Variants in ANKRD42 observed in about 807,000 individuals in gnomAD.
ANKRD42 encodes ankyrin repeat domain-containing protein 42.
ANKRD42 carries 43 observed loss-of-function variants against 51.5 expected under a neutral mutation model. The ratio of observed to expected loss-of-function variants is 0.83; its 90% CI spans 0.65 to 1.08. The LOEUF is 1.08. ANKRD42 is among the 50% of genes least tolerant of loss of function. The probability of loss-of-function intolerance (pLI) is 0.00; values close to 1 mark genes in which losing one functional copy is unlikely to be tolerated. For synonymous variants in ANKRD42, 203 were observed against 213.0 expected (o/e 0.95, Z 0.41); for missense variants, 608 against 629.3 (o/e 0.97, Z 0.36).
rs1391338938 is a variant in ANKRD42, at chr11:83,194,256, C to T, written c.-415C>T. ...GCCTCAGTGGTCCTTGGGAGGGAGT[C>T]AGTGACATTCGGGACCCGCGAACTA... On this transcript the variant is annotated 5_prime_UTR_variant, in exon 1 of 11. Transcript: ENST00000533342. 2 of 467,596 alleles carry T rather than the reference C, an allele frequency of 4.3e-6. No individual in the cohort carries two copies. The highest frequency in any genetic ancestry group is 4.7e-5 in the Admixed American group (2 of 42,842). 29.0% of individuals were successfully genotyped at this position (467,596 alleles called of 1,614,324 possible). A position where few individuals can be genotyped will look rare whatever the true frequency, so the allele number is the denominator to read the frequency against.
intron 5 of ANKRD42, among the ~76,000 whole-genome samples, chr11:83,218,369 C>T (rs1479892368): frequency 6.6e-6 from 1 of 152,148 alleles, no homozygotes; most frequent in East Asian, 1.9e-4. Flanking sequence ...CGATCATTTA[C>T]CTGGCTGAGA....
intron 9 of ANKRD42, among the ~76,000 whole-genome samples, chr11:83,242,188 G>C (rs562874492): frequency 2.6e-5 from 4 of 152,036 alleles, no homozygotes; most frequent in East Asian, 3.9e-4. Context: ...TATATATCCT[G>C]GTTCTTGAAA....
At chr11:83,213,035 A>G in intron 5 of ANKRD42, 11 of 1,599,978 alleles carry the variant, frequency 6.9e-6, no homozygotes, top group Non-Finnish European at 9.3e-6. Flanking sequence ...TGTGAAGCCC[A>G]GGATCATCAA....
chr11:83,249,974 T>C (rs1038318265), downstream of ANKRD42, among the ~76,000 whole-genome samples: 1 of 152,224 alleles, frequency 6.6e-6, no homozygotes, highest in Non-Finnish European at 1.5e-5. Context: ...CATTGTATTA[T>C]TTACTCCCTT....
rs569010201 is a variant in ANKRD42 at position 83,232,404 on chromosome 11, G to T, written c.914-4000G>T. ...TTCCTTTTTGGATTGTTCACTGTTG[G>T]CATATAGAAATGCTACTGATTTTTG... On this transcript the variant is annotated intron_variant, in intron 7 of 10. Transcript: ENST00000533342. Among the ~76,000 whole-genome samples, 50 of 152,134 alleles carry T rather than the reference G, an allele frequency of 3.3e-4. No individual in the cohort carries two copies. The East Asian group carries it at 3.7e-3, about 11-fold the overall frequency.
intron 5 of ANKRD42, among the ~76,000 whole-genome samples, chr11:83,217,503 A>G (rs1479164641): frequency 6.6e-6 from 1 of 152,236 alleles, no homozygotes; most frequent in Non-Finnish European, 1.5e-5. Context: ...GAGGACAGTC[A>G]TCCGAGGCAG....
intron 7 of ANKRD42, among the ~76,000 whole-genome samples, chr11:83,233,094 T>C (rs1207911362): frequency 6.6e-6 from 1 of 152,172 alleles, no homozygotes; most frequent in Non-Finnish European, 1.5e-5. Flanking sequence ...ACTGGCCTTG[T>C]AGAATGGATT....
chr11:83,236,977 C>T (rs1050665385), intron 8 of ANKRD42, among the ~76,000 whole-genome samples: 6 of 152,242 alleles, frequency 3.9e-5, no homozygotes, highest in South Asian at 4.1e-4. Flanking sequence ...AATTTACATC[C>T]GAATTAAATA....
chr11:83,262,232 G>A (rs886871602), downstream of ANKRD42, among the ~76,000 whole-genome samples: 1 of 152,034 alleles, frequency 6.6e-6, no homozygotes, highest in African/African-American at 2.4e-5. Flanking sequence ...AATCATTAAC[G>A]CTAGCATTAT....
chr11:83,194,207 C>T lies in ANKRD42; in HGVS notation c.-464C>T, dbSNP rs1035248217. ...CACCAAACTACCGACTCCAGGGGAA[C>T]AGCCAGAGAAGACCGAGGCCTCCGC... On this transcript the variant is annotated 5_prime_UTR_variant, in exon 1 of 11. Coordinates refer to ENST00000533342, the MANE Select transcript of ANKRD42 (RefSeq NM_001300975.2). 2.2e-6 allele frequency: 1 copy of T among 459,712 alleles called. No homozygotes were observed. The highest frequency in any genetic ancestry group is 4.4e-6 in the Non-Finnish European group (1 of 229,094). 28.5% of individuals were successfully genotyped at this position (459,712 alleles called of 1,614,324 possible). A position where few individuals can be genotyped will look rare whatever the true frequency, so the allele number is the denominator to read the frequency against.
At chr11:83,240,687 A>G in intron 8 of ANKRD42, 72 bp from the exon 9 acceptor site, 3 of 1,551,956 alleles carry the variant, frequency 1.9e-6, no homozygotes, top group Non-Finnish European at 2.6e-6. Context: ...TAATCCCCTA[A>G]GTTAAGTGCA....
chr11:83,241,215 A>G (rs1863376839), intron 9 of ANKRD42, among the ~76,000 whole-genome samples: 1 of 152,164 alleles, frequency 6.6e-6, no homozygotes, highest in Middle Eastern at 3.2e-3. Flanking sequence ...GGAAAGAGAC[A>G]TCTCAAGGAT....
chr11:83,238,662 G>A (rs1201722194), intron 8 of ANKRD42, among the ~76,000 whole-genome samples: 1 of 151,910 alleles, frequency 6.6e-6, no homozygotes, highest in African/African-American at 2.4e-5. Context: ...GAAACCCTGT[G>A]TCTACTAAAA....
downstream of ANKRD42, among the ~76,000 whole-genome samples, chr11:83,263,892 G>A (rs1864081198): frequency 6.6e-6 from 1 of 152,146 alleles, no homozygotes; most frequent in African/African-American, 2.4e-5. Context: ...TGATGGCTGG[G>A]GGCTCCATCT....
intron 9 of ANKRD42, among the ~76,000 whole-genome samples, chr11:83,243,192 T>C (rs1385224977): frequency 6.6e-6 from 1 of 152,174 alleles, no homozygotes; most frequent in African/African-American, 2.4e-5. Flanking sequence ...TGGCATTTCA[T>C]TGTGGTTTTG....
intron 7 of ANKRD42, among the ~76,000 whole-genome samples, chr11:83,232,417 C>A (rs1180806870): frequency 6.6e-6 from 1 of 152,054 alleles, no homozygotes; most frequent in Admixed American, 6.6e-5. Context: ...TATAGAAATG[C>A]TACTGATTTT....
At chr11:83,212,994 T>C (rs770885752) in intron 5 of ANKRD42, 5 of 1,598,926 alleles carry the variant, frequency 3.1e-6, no homozygotes, top group Non-Finnish European at 4.2e-6. Context: ...AGCCATCTCC[T>C]CCTCAGCATC....
At chr11:83,249,051 C>G (rs1863627537), downstream of ANKRD42, 1 of 910,304 alleles carries the variant, frequency 1.1e-6, no homozygotes. Flanking sequence ...GAGAGGCCAG[C>G]TGTACAGTCA....
At chr11:83,199,281 C>T (rs17144787) in intron 2 of ANKRD42, among the ~76,000 whole-genome samples, 3,213 of 152,166 alleles carry the variant, frequency 0.021, 122 homozygotes, top group African/African-American at 0.07. Flanking sequence ...AACTATTACC[C>T]TGATTTTGGT....
Sources: gnomAD v4.1 joint callset for allele counts (sites outside exome capture counted in the v4.1 genomes callset) on GRCh38, gnomAD v4.1.1 for gene constraint, MANE v1.5 for transcripts, NCBI Gene and HGNC (gene_info 2026-07-23, HGNC 2026-07-21) for gene names.